NOTCH2: variants seen among roughly 807,000 people sequenced by gnomAD.
NOTCH2 encodes the protein notch receptor 2.
In NOTCH2, 29 loss-of-function variants were observed where a neutral mutation model predicts 235.8. The observed-to-expected ratio is 0.12, with a 90% CI of 0.09 to 0.17. NOTCH2 has a LOEUF of 0.17. Ranked by LOEUF, NOTCH2 falls within the 10% of genes least tolerant of loss-of-function variation. The pLI is 1.00. For missense variants in NOTCH2, 2,285 were observed against 3,150.2 expected, an observed-to-expected ratio of 0.73 and a Z score of 6.57; for synonymous variants, 1,086 against 1,141.5, an observed-to-expected ratio of 0.95 and a Z score of 0.98.
Position 119,922,454 on chromosome 1 carries a change from T to C in NOTCH2, c.5003-8A>G. The stretch of plus-strand genomic sequence containing the variant: ...CTGGAGTCAGGGATTCACCTGAAAG[T>C]CCACAGAGACAGGGAAAGTGCTGAA... On this transcript the variant is annotated splice_region_variant and splice_polypyrimidine_tract_variant and intron_variant, in intron 27 of 33. Transcript: ENST00000256646. 6.2e-7 allele frequency: 1 copy of C among 1,609,146 alleles called. No individual in the cohort carries two copies. Among genetic ancestry groups the C allele is most frequent in the East Asian group, 2.2e-5 (1 of 44,808 alleles).
intron 11 of NOTCH2, among the ~76,000 whole-genome samples, chr1:119,963,166 AGAAGGAAGGTAGGTAGGAAG>A (rs1362256155): frequency 1.1e-5 from 1 of 93,526 alleles, no homozygotes; most frequent in South Asian, 3.9e-4. Context: ...GAAGAAGGGA[AGAAGGAAGGTAGGTAGGAAG>A]GAAGGAAGGA....
Position 119,915,912 on chromosome 1 carries a change from C to A in NOTCH2, c.6810G>T (p.Met2270Ile). Reference sequence around the variant, plus strand: ...GGGTGCCCTCAGCTGGAGCCAGGACCATACCAAACATCTCATTGTACTGGG... The same window carrying A: ...GGGTGCCCTCAGCTGGAGCCAGGACAATACCAAACATCTCATTGTACTGGG... ...NETQYNEMFG[M>I]VLAPAEGTHP... is the part of the protein sequence containing the mutation. The change falls in exon 34 of 34, where the codon ATG becomes ATT. Residue 2270 changes from methionine (M) to isoleucine (I), a missense_variant. Physicochemically the swap from Met to Ile is conservative, Grantham distance 10. Coordinates refer to ENST00000256646, the MANE Select transcript of NOTCH2 (RefSeq NM_024408.4). The A allele has an allele frequency of 6.2e-7, 1 of 1,614,178 alleles. No homozygotes were observed. Among genetic ancestry groups the A allele is most frequent in the Non-Finnish European group, 8.5e-7 (1 of 1,180,040 alleles).
chr1:120,010,361 C>G (rs1553206764), intron 2 of NOTCH2, among the ~76,000 whole-genome samples: 1 of 152,002 alleles, frequency 6.6e-6, no homozygotes, highest in Non-Finnish European at 1.5e-5. Context: ...TAAAATATTT[C>G]TAAAAGATGA....
intron 17 of NOTCH2, among the ~76,000 whole-genome samples, chr1:119,944,680 A>G (rs1650191745): frequency 6.6e-6 from 1 of 152,182 alleles, no homozygotes; most frequent in African/African-American, 2.4e-5. Flanking sequence ...GTGGAATAAC[A>G]GCAGATTTCT....
At chr1:120,005,997 G>A (rs1331610455) in intron 2 of NOTCH2, among the ~76,000 whole-genome samples, 6 of 146,630 alleles carry the variant, frequency 4.1e-5, no homozygotes, top group African/African-American at 1.5e-4. Flanking sequence ...CATTTGATAG[G>A]ATTAAGATGT....
At chr1:119,939,061 T>G (rs1194870605) in intron 19 of NOTCH2, among the ~76,000 whole-genome samples, 1 of 152,132 alleles carries the variant, frequency 6.6e-6, no homozygotes, top group Admixed American at 6.5e-5. Flanking sequence ...TGGGACAATG[T>G]AGACATGTCC....
chr1:120,041,103 A>G (rs79432907), intron 1 of NOTCH2, among the ~76,000 whole-genome samples: 1 of 116,860 alleles, frequency 8.6e-6, no homozygotes, highest in Non-Finnish European at 1.6e-5. Flanking sequence ...CCTGAACTTC[A>G]ATTTTTATTT....
chr1:119,983,095 TTAA>T (rs1651873674), intron 5 of NOTCH2, among the ~76,000 whole-genome samples: 1 of 152,224 alleles, frequency 6.6e-6, no homozygotes, highest in Non-Finnish European at 1.5e-5. Flanking sequence ...GAAATTAATT[TTAA>T]TATTATGTTA....
In NOTCH2 at chr1:119,957,108, A is replaced by G. The variant is rs587730685; in HGVS notation, c.2027-1876T>C. Among the ~76,000 whole-genome samples the G allele has an allele frequency of 1.1e-4, 16 of 152,364 alleles. 1 individual carries two copies. In the South Asian group the frequency reaches 3.1e-3, roughly 30 times the overall value. ...AGTCCCATTCATTCGTTCATTCAGC[A>G]ACATTCACTAAGCGTTTCCTACGTG... On this transcript the variant is annotated intron_variant, in intron 12 of 33. Transcript: ENST00000256646.
intron 3 of NOTCH2, among the ~76,000 whole-genome samples, chr1:119,998,686 T>G (rs1278935790): frequency 6.6e-6 from 1 of 150,654 alleles, no homozygotes; most frequent in Non-Finnish European, 1.5e-5. Flanking sequence ...CCTTGAATTT[T>G]TATTATTATT....
chr1:119,975,608 T>C (rs587689314), intron 5 of NOTCH2, among the ~76,000 whole-genome samples: 1 of 144,230 alleles, frequency 6.9e-6, no homozygotes, highest in South Asian at 2.1e-4. Flanking sequence ...ATCGTGCCAC[T>C]GCACTCCAGC....
At chr1:120,043,072 C>T (rs1292846221) in intron 1 of NOTCH2, among the ~76,000 whole-genome samples, 4 of 151,548 alleles carry the variant, frequency 2.6e-5, no homozygotes, top group African/African-American at 9.7e-5. Context: ...GAAGATGAAG[C>T]TAATAGGGCA....
intron 22 of NOTCH2, 200 bp downstream of exon 22, chr1:119,935,272 C>G (rs1362661692): frequency 1.3e-6 from 2 of 1,497,558 alleles, no homozygotes. Context: ...CCAGATAAAA[C>G]TGACAACATA....
In NOTCH2 at chr1:119,912,671, AG is replaced by A. The variant is rs1476664502; in HGVS notation, c.*2634del. On this transcript the variant is annotated 3_prime_UTR_variant, in exon 34 of 34. Coordinates refer to ENST00000256646, the MANE Select transcript of NOTCH2 (RefSeq NM_024408.4). ...ACAATAAAAATAAACCAAAAATAGC[AG>A]GGGAGGATCTATACATGGCATAAAA... The A allele has an allele frequency of 4.3e-6, 1 of 233,174 alleles. No homozygotes were observed. The highest frequency in any genetic ancestry group is 8.5e-6 in the Non-Finnish European group (1 of 118,024). The allele number at this position is 233,174 out of a possible 1,614,324, so 14.4% of individuals were successfully genotyped here.
At position 119,967,414 on chromosome 1, in the gene NOTCH2, T is replaced by G. The variant is rs781884888; in HGVS notation, c.1453+19A>C. The G allele has an allele frequency of 1.2e-6, 2 of 1,609,670 alleles. No homozygotes were observed. The highest frequency in any genetic ancestry group is 2.7e-5 in the African/African-American group (2 of 74,950). On this transcript the variant is annotated intron_variant, in intron 8 of 33. Coordinates refer to ENST00000256646, the MANE Select transcript of NOTCH2 (RefSeq NM_024408.4). ...CAGTCCCTCCTCTCTAGACCCAACA[T>G]GCTGATGGGCCCATTTACCTGGCAT...
At position 119,925,490 on chromosome 1, in the gene NOTCH2, G is replaced by A. The variant is rs1465404736; in HGVS notation, c.4326C>T (p.Ala1442=). 6.2e-7 allele frequency: 1 copy of A among 1,614,096 alleles called. No individual in the cohort carries two copies. The highest frequency in any genetic ancestry group is 1.7e-5 in the Admixed American group (1 of 60,006). ...CCCACTGGCAGGCATGGCTGTTGCA[G>A]GCCTCATCACAGACGCCATCCCGAG... ...DKARDGVCDE[A]CNSHACQWDG... is the part of the protein sequence containing the mutation. Residue 1442 remains alanine, a synonymous_variant, in exon 25 of 34, where the codon GCC becomes GCT. Transcript: ENST00000256646.
intron 1 of NOTCH2, among the ~76,000 whole-genome samples, chr1:120,037,884 A>G (rs1654375724): frequency 6.6e-6 from 1 of 152,112 alleles, no homozygotes; most frequent in Admixed American, 6.6e-5. Context: ...ATATACCTTA[A>G]GAAAATATAA....
chr1:120,000,988 G>A (rs1433228529), intron 3 of NOTCH2, among the ~76,000 whole-genome samples: 2 of 151,840 alleles, frequency 1.3e-5, no homozygotes, highest in Admixed American at 1.3e-4. Flanking sequence ...CTGTATCATG[G>A]GGGCCAGTCT....
Position 119,981,733 on chromosome 1 carries a change from C to A in NOTCH2, c.874+5227G>T, listed in dbSNP as rs923523763. Among the ~76,000 whole-genome samples, 15 of 152,264 alleles carry A rather than the reference C, an allele frequency of 9.9e-5. No homozygotes were observed. In the South Asian group the frequency reaches 2.9e-3, roughly 29 times the overall value. ...GTTAGCACTGTGGCAGTCTGCCCAA[C>A]TGATAGGAAACCGAATTTGGGGTGA... On this transcript the variant is annotated intron_variant, in intron 5 of 33. Transcript: ENST00000256646.
Sources: gnomAD v4.1 joint callset for allele counts (sites outside exome capture counted in the v4.1 genomes callset) on GRCh38, gnomAD v4.1.1 for gene constraint, MANE v1.5 for transcripts, NCBI Gene and HGNC (gene_info 2026-07-23, HGNC 2026-07-21) for gene names.